ELFN2: variants seen among roughly 807,000 people sequenced by gnomAD.
The protein encoded by ELFN2 is protein phosphatase 1 regulatory subunit 29.
ELFN2 carries 17 observed loss-of-function variants against 45.5 expected under a neutral mutation model. The observed-to-expected ratio is 0.37, with a 90% confidence interval of 0.26 to 0.56. ELFN2 has a LOEUF of 0.56. Among genes scored for constraint, ELFN2 ranks in the 20% least tolerant of loss-of-function variants. The probability of loss-of-function intolerance (pLI) is 0.77; values close to 1 mark genes in which losing one functional copy is unlikely to be tolerated. For missense variants in ELFN2, 922 were observed against 1,183.2 expected, an observed-to-expected ratio of 0.78 and a Z score of 3.24; for synonymous variants, 550 against 551.5, an observed-to-expected ratio of 1.00 and a Z score of 0.04.
intron 2 of ELFN2, among the ~76,000 whole-genome samples, chr22:37,400,766 C>T (rs558558332): frequency 2.6e-5 from 4 of 152,346 alleles, no homozygotes; most frequent in Admixed American, 2.0e-4. Flanking sequence ...GTGAGAGAGT[C>T]CATGCCGGAC....
intron 1 of ELFN2, among the ~76,000 whole-genome samples, chr22:37,360,933 G>A (rs1458594864): frequency 1.3e-5 from 2 of 152,186 alleles, no homozygotes; most frequent in East Asian, 3.8e-4. Flanking sequence ...AGTGCTATGT[G>A]ATGGGTGGAC....
At chr22:37,412,488 G>A (rs1932673403) in intron 2 of ELFN2, among the ~76,000 whole-genome samples, 1 of 151,894 alleles carries the variant, frequency 6.6e-6, no homozygotes, top group Non-Finnish European at 1.5e-5. Flanking sequence ...CCCCCTACCT[G>A]ATTGCAGGAC....
intron 2 of ELFN2, among the ~76,000 whole-genome samples, chr22:37,413,111 G>A (rs1322876225): frequency 2.0e-5 from 3 of 152,124 alleles, no homozygotes; most frequent in Admixed American, 2.0e-4. Flanking sequence ...TGAGGTACAG[G>A]AAGAAAATCC....
chr22:37,395,384 G>A (rs932723228), intron 2 of ELFN2, among the ~76,000 whole-genome samples: 4 of 152,086 alleles, frequency 2.6e-5, no homozygotes, highest in African/African-American at 7.2e-5. Flanking sequence ...ACCCCTCCAC[G>A]GCCCTGGGAG....
Position 37,373,969 on chromosome 22 carries a change from C to G in ELFN2, c.1566G>C (p.Pro522=). 6.2e-7 allele frequency: 1 copy of G among 1,613,034 alleles called. No individual in the cohort carries two copies. The highest frequency in any genetic ancestry group is 2.2e-5 in the East Asian group (1 of 44,866). The part of the protein sequence containing the change: ...DGLARPEDDL[P]DLENGQGSAA... ...CCGAGCCCTGGCCGTTCTCGAGGTCCGGGAGGTCATCCTCGGGCCGAGCCA... is the reference window on the plus strand; with the variant it reads ...CCGAGCCCTGGCCGTTCTCGAGGTCGGGGAGGTCATCCTCGGGCCGAGCCA... The change falls in exon 3 of 3, where the codon CCG becomes CCC. Residue 522 remains proline, a synonymous_variant. Transcript: ENST00000402918.
chr22:37,382,485 C>A (rs968748315), intron 2 of ELFN2, among the ~76,000 whole-genome samples: 5 of 151,212 alleles, frequency 3.3e-5, no homozygotes, highest in Admixed American at 2.0e-4. Context: ...CCTTGTGATC[C>A]GCCCGCCTCG....
chr22:37,373,899 G>A lies in ELFN2; in HGVS notation c.1636C>T (p.Gln546Ter). The change falls in exon 3 of 3, where the codon CAG becomes TAG. Residue 546 changes from glutamine (Q) to a stop codon, truncating the protein, a stop_gained. Coordinates refer to ENST00000402918, the MANE Select transcript of ELFN2 (RefSeq NM_052906.5). LOFTEE classifies it high-confidence loss of function. Reference protein sequence around the residue: ...TIAKEVDKVNQIINNCIDALK... With the variant: ...TIAKEVDKVN ...GCATCGATGCAGTTGTTAATGATCT[G>A]GTTGACCTTGTCCACCTCCTTGGCA... is the stretch of plus-strand genomic sequence containing the variant. 1 of 1,613,464 alleles carries A rather than the reference G, an allele frequency of 6.2e-7. No individual in the cohort carries two copies. Among genetic ancestry groups the A allele is most frequent in the Non-Finnish European group, 8.5e-7 (1 of 1,179,976 alleles).
Position 37,375,214 on chromosome 22 carries a change from G to C in ELFN2, c.321C>G (p.Val107=). 1.2e-6 allele frequency: 2 copies of C among 1,614,122 alleles called. No individual in the cohort carries two copies. The highest frequency in any genetic ancestry group is 1.7e-6 in the Non-Finnish European group (2 of 1,180,024). The change falls in exon 3 of 3, where the codon GTC becomes GTG. Residue 107 remains valine (V), a synonymous_variant. Coordinates refer to ENST00000402918, the MANE Select transcript of ELFN2 (RefSeq NM_052906.5). ...TGAGCTTGTTGTAGCCCAGCTGCAG[G>C]ACCTGCAGGCTCGACTGGCCCAGGA... ...GAFLGQSSLQ[V]LQLGYNKLSN... is the part of the protein sequence containing the mutation.
rs3752518 is a variant in ELFN2, at chr22:37,368,213, T to C, written c.*4859A>G. ...GTTCACAGGTTCAGAGCCCAGGGCC[T>C]GAGCCCAGCTCTGCAGGACCCAAAC... is the stretch of plus-strand genomic sequence containing the variant. On this transcript the variant is annotated 3_prime_UTR_variant, in exon 3 of 3. Coordinates refer to ENST00000402918, the MANE Select transcript of ELFN2 (RefSeq NM_052906.5). The C allele has an allele frequency of 0.33, 50,094 of 152,126 alleles. 8,573 individuals carry two copies. Among genetic ancestry groups the C allele is most frequent in the South Asian group, 0.52 (2,494 of 4,822 alleles). The allele number at this position is 152,126 out of a possible 1,614,324, so 9.4% of individuals were successfully genotyped here.
intron 2 of ELFN2, among the ~76,000 whole-genome samples, chr22:37,395,268 G>A (rs1932186034): frequency 1.3e-5 from 2 of 152,152 alleles, no homozygotes; most frequent in African/African-American, 4.8e-5. Flanking sequence ...GCCTGTGCCT[G>A]GTTCCAGCAC....
At chr22:37,357,284 G>A (rs527741107) in intron 1 of ELFN2, among the ~76,000 whole-genome samples, 2 of 152,314 alleles carry the variant, frequency 1.3e-5, no homozygotes, top group South Asian at 2.1e-4. Context: ...GGGGCCTCAC[G>A]CTAGACGGGA....
intron 2 of ELFN2, among the ~76,000 whole-genome samples, chr22:37,378,942 G>A (rs144543477): frequency 7.7e-4 from 118 of 152,310 alleles, no homozygotes; most frequent in African/African-American, 2.6e-3. Context: ...AGGGTCCAGC[G>A]GTCACATGGC....
chr22:37,405,840 A>C (rs7291395), intron 2 of ELFN2, among the ~76,000 whole-genome samples: 8 of 141,610 alleles, frequency 5.6e-5, no homozygotes, highest in East Asian at 2.0e-4. Flanking sequence ...AAAAGGGTGG[A>C]GGGGGGGTGG....
chr22:37,406,521 C>T (rs572044489), intron 2 of ELFN2, among the ~76,000 whole-genome samples: 2 of 152,196 alleles, frequency 1.3e-5, no homozygotes, highest in Non-Finnish European at 2.9e-5. Context: ...CCACTCCCAC[C>T]GCCCCTGCAG....
intron 1 of ELFN2, chr22:37,353,501 A>G (rs1257996874): frequency 6.6e-6 from 1 of 151,114 alleles, no homozygotes; most frequent in African/African-American, 2.4e-5. Flanking sequence ...TAAGCGAAGG[A>G]AAAGGCAAGA....
At chr22:37,399,730 C>T (rs1033486744) in intron 2 of ELFN2, among the ~76,000 whole-genome samples, 3 of 152,182 alleles carry the variant, frequency 2.0e-5, no homozygotes, top group African/African-American at 7.2e-5. Context: ...GGGCCACCGG[C>T]CTCTGCCCTC....
At position 37,371,363 on chromosome 22, in the gene ELFN2, G is replaced by A. The variant is rs1451165014; in HGVS notation, c.*1709C>T. On this transcript the variant is annotated 3_prime_UTR_variant, in exon 3 of 3. Transcript: ENST00000402918. The surrounding 1 kb of genome is among the most constrained non-coding windows in gnomAD (Gnocchi z 6.4). ...ACAGGCCCTAGACTGGGGGTCTCTG[G>A]CAGGGGCGTGGGGAGAGCCGGGGCC... 6.6e-6 allele frequency: 1 copy of A among 152,292 alleles called. No individual in the cohort carries two copies. Among genetic ancestry groups the A allele is most frequent in the Non-Finnish European group, 1.5e-5 (1 of 68,084 alleles). The allele number at this position is 152,292 out of a possible 1,614,324, so 9.4% of individuals were successfully genotyped here.
chr22:37,407,871 G>C (rs1208688348), intron 2 of ELFN2, among the ~76,000 whole-genome samples: 3 of 151,990 alleles, frequency 2.0e-5, no homozygotes, highest in Non-Finnish European at 4.4e-5. Flanking sequence ...CTCCAGCCTG[G>C]GGGACAGAGC....
intron 2 of ELFN2, among the ~76,000 whole-genome samples, chr22:37,403,702 C>A (rs1309978950): frequency 6.6e-6 from 1 of 152,228 alleles, no homozygotes; most frequent in South Asian, 2.1e-4. Context: ...AGAGACCATC[C>A]GGGACCTCCT....
Sources: allele counts gnomAD v4.1 joint callset (sites outside exome capture counted in the v4.1 genomes callset), GRCh38; gene constraint gnomAD v4.1.1; non-coding constraint Gnocchi (gnomAD v3.1); transcripts MANE v1.5; gene names NCBI Gene and HGNC (gene_info 2026-07-23, HGNC 2026-07-21).